The following NIPAL1 variants were observed in gnomAD, a reference collection of about 807,000 sequenced individuals.
The protein encoded by NIPAL1 is magnesium transporter NIPA3.
A neutral mutation model predicts 37.7 loss-of-function variants in NIPAL1; 35 were observed. The ratio of observed to expected loss-of-function variants is 0.93; its 90% CI spans 0.71 to 1.23. The LOEUF is 1.23. Ranked by LOEUF, NIPAL1 falls within the 50% of genes most tolerant of loss-of-function variation. The pLI is 0.00. For synonymous variants in NIPAL1, 162 were observed against 183.0 expected (o/e 0.89, Z 0.93); for missense variants, 412 against 473.9 (o/e 0.87, Z 1.21).
At chr4:48,026,893 T>G (rs1350322613) in intron 2 of NIPAL1, among the ~76,000 whole-genome samples, 1 of 151,898 alleles carries the variant, frequency 6.6e-6, no homozygotes, top group African/African-American at 2.4e-5. Flanking sequence ...TAATTTTGTA[T>G]TTTTAGTAGA....
intron 1 of NIPAL1, among the ~76,000 whole-genome samples, chr4:48,018,049 C>T (rs1715484890): frequency 6.6e-6 from 1 of 151,872 alleles, no homozygotes; most frequent in Admixed American, 6.6e-5. Flanking sequence ...AATTCACAAG[C>T]TATTAAAAAA....
At chr4:48,025,973 G>A (rs1715678014) in intron 2 of NIPAL1, among the ~76,000 whole-genome samples, 1 of 152,076 alleles carries the variant, frequency 6.6e-6, no homozygotes, top group Non-Finnish European at 1.5e-5. Flanking sequence ...AGACTTCAGT[G>A]TGAGTAGCAT....
chr4:48,032,806 T>G (rs928805318), intron 3 of NIPAL1, among the ~76,000 whole-genome samples, 187 bp from the exon 4 acceptor site: 11 of 152,258 alleles, frequency 7.2e-5, no homozygotes, highest in African/African-American at 2.4e-4. Context: ...CACCTGGTAT[T>G]ACAGTTTGTC....
At position 48,039,575 on chromosome 4, in the gene NIPAL1, T is replaced by C. The variant is rs1319132690; in HGVS notation, c.*3403T>C. 6.6e-6 allele frequency: 1 copy of C among 152,250 alleles called. No individual in the cohort carries two copies. The highest frequency in any genetic ancestry group is 1.9e-4 in the East Asian group (1 of 5,208). The allele number at this position is 152,250 out of a possible 1,614,324, so 9.4% of individuals were successfully genotyped here. On this transcript the variant is annotated 3_prime_UTR_variant, in exon 6 of 6. Coordinates refer to ENST00000295461, the MANE Select transcript of NIPAL1 (RefSeq NM_207330.3). The stretch of plus-strand genomic sequence containing the variant: ...AAAGATTTTCCTACTTCTGTAAAGA[T>C]AAGTTTCATTATACTTTTGTCTTAC...
At chr4:48,025,838 G>C (rs954868182) in intron 2 of NIPAL1, among the ~76,000 whole-genome samples, 10 of 152,044 alleles carry the variant, frequency 6.6e-5, no homozygotes, top group African/African-American at 2.4e-4. Flanking sequence ...ACTTCCTCTT[G>C]CTTTTCTCCC....
chr4:48,016,957 A>G lies in NIPAL1; in HGVS notation c.46+72A>G. The G allele has an allele frequency of 6.3e-6, 8 of 1,269,680 alleles. 1 individual carries two copies. The South Asian group carries it at 1.0e-4, about 16-fold the overall frequency. The allele number at this position is 1,269,680 out of a possible 1,614,324, so 78.7% of individuals were successfully genotyped here. A position where few individuals can be genotyped will look rare whatever the true frequency, so the allele number is the denominator to read the frequency against. Reference sequence around the variant, plus strand: ...GAGACCGGGTGGGCGGTCCCCGGACACTTGCGGAGACTGGAAAGGGGGGCT... The same window carrying G: ...GAGACCGGGTGGGCGGTCCCCGGACGCTTGCGGAGACTGGAAAGGGGGGCT... On this transcript the variant is annotated intron_variant, in intron 1 of 5. Transcript: ENST00000295461.
chr4:48,025,373 C>G, intron 2 of NIPAL1, 39 bp downstream of exon 2: 2 of 1,590,222 alleles, frequency 1.3e-6, no homozygotes, highest in Non-Finnish European at 1.7e-6. Context: ...AAGTTTCTAA[C>G]TGCAGAAATG....
intron 3 of NIPAL1, 58 bp downstream of exon 3, chr4:48,030,234 A>G (rs1715791421): frequency 7.4e-6 from 8 of 1,078,958 alleles, no homozygotes; most frequent in Non-Finnish European, 1.1e-5. Flanking sequence ...AGATTACATG[A>G]AATTTTTCAT....
Position 48,027,094 on chromosome 4 carries a change from G to C in NIPAL1, c.313+1760G>C, listed in dbSNP as rs1234360995. Among the ~76,000 whole-genome samples, 1 of 151,902 alleles carries C rather than the reference G, an allele frequency of 6.6e-6. No homozygotes were observed. The highest frequency in any genetic ancestry group is 1.9e-4 in the East Asian group (1 of 5,198). On this transcript the variant is annotated intron_variant, in intron 2 of 5. Coordinates refer to ENST00000295461, the MANE Select transcript of NIPAL1 (RefSeq NM_207330.3). The surrounding 1 kb of genome is among the most constrained non-coding windows in gnomAD (Gnocchi z 4.1). ...AAATAATTTATTTTATATAAAGGAAGAGATTATCTAGATTGACAAAAAAAA... is the reference window on the plus strand; with the variant it reads ...AAATAATTTATTTTATATAAAGGAACAGATTATCTAGATTGACAAAAAAAA...
At chr4:48,021,622 A>G (rs1715568580) in intron 1 of NIPAL1, among the ~76,000 whole-genome samples, 1 of 152,172 alleles carries the variant, frequency 6.6e-6, no homozygotes, top group Non-Finnish European at 1.5e-5. Context: ...TGATAGTTAT[A>G]CAGTGGAATT....
intron 2 of NIPAL1, among the ~76,000 whole-genome samples, chr4:48,026,889 T>TTA (rs1241433708): frequency 6.6e-6 from 1 of 151,994 alleles, no homozygotes; most frequent in African/African-American, 2.4e-5. Flanking sequence ...CAGCTAATTT[T>TTA]GTATTTTTAG....
In NIPAL1 at chr4:48,036,251, C is replaced by G; in HGVS notation, c.*79C>G. On this transcript the variant is annotated 3_prime_UTR_variant, in exon 6 of 6. Coordinates refer to ENST00000295461, the MANE Select transcript of NIPAL1 (RefSeq NM_207330.3). ...GAATGCTTGCTTCTTGGAAGAACTG[C>G]TAGGAAAGTTAGCATTTTTGCAGTT... 1.5e-6 allele frequency: 2 copies of G among 1,368,554 alleles called. No individual in the cohort carries two copies. 84.8% of individuals were successfully genotyped at this position (1,368,554 alleles called of 1,614,324 possible).
intron 3 of NIPAL1, among the ~76,000 whole-genome samples, chr4:48,032,095 GATTT>G (rs1366041721): frequency 2.0e-5 from 3 of 152,164 alleles, no homozygotes; most frequent in African/African-American, 7.2e-5. Flanking sequence ...TGTAAATTTA[GATTT>G]GTTTAATGAT....
In NIPAL1 at chr4:48,036,326, T is replaced by C. The variant is rs1321231616; in HGVS notation, c.*154T>C. 8 of 635,264 alleles carry C rather than the reference T, an allele frequency of 1.3e-5. No individual in the cohort carries two copies. The highest frequency in any genetic ancestry group is 6.6e-5 in the South Asian group (3 of 45,540). 39.4% of individuals were successfully genotyped at this position (635,264 alleles called of 1,614,324 possible). ...AGTAAAAATGCCATTTTTTTGGCCA[T>C]TGAATTTGAAAATCAAATTGATTAT... On this transcript the variant is annotated 3_prime_UTR_variant, in exon 6 of 6. Coordinates refer to ENST00000295461, the MANE Select transcript of NIPAL1 (RefSeq NM_207330.3).
chr4:48,029,241 C>T (rs1391035454), intron 2 of NIPAL1, among the ~76,000 whole-genome samples: 2 of 152,098 alleles, frequency 1.3e-5, no homozygotes, highest in Non-Finnish European at 2.9e-5. Flanking sequence ...TACTACTTAG[C>T]TGTTAGAGAA....
chr4:48,031,956 C>G (rs1211397031), intron 3 of NIPAL1, among the ~76,000 whole-genome samples: 2 of 152,196 alleles, frequency 1.3e-5, no homozygotes, highest in East Asian at 1.9e-4. Context: ...CCAGGCTGAT[C>G]TCGAACGCCT....
intron 3 of NIPAL1, among the ~76,000 whole-genome samples, chr4:48,031,824 C>T (rs111614944): frequency 0.048 from 7,296 of 152,048 alleles, 576 homozygotes; most frequent in African/African-American, 0.17. Context: ...CTGCAACCTC[C>T]GCCTCCCAGA....
Position 48,030,164 on chromosome 4 carries a change from G to A in NIPAL1, c.358G>A (p.Gly120Arg), listed in dbSNP as rs1382164892. 1 of 1,595,086 alleles carries A rather than the reference G, an allele frequency of 6.3e-7. No homozygotes were observed. Among genetic ancestry groups the A allele is most frequent in the Admixed American group, 1.7e-5 (1 of 59,978 alleles). ...SYLKEWLWWVGLLSMGAGEAA... is the reference protein window; with the variant it reads ...SYLKEWLWWVRLLSMGAGEAA... Reference sequence around the variant, plus strand: ...CCTGAAGGAATGGCTCTGGTGGGTAGGATTGCTGTCAAGTAAGTTTTTAAT... The same window carrying A: ...CCTGAAGGAATGGCTCTGGTGGGTAAGATTGCTGTCAAGTAAGTTTTTAAT... Residue 120 changes from glycine (G) to arginine (R), a missense_variant, in exon 3 of 6, where the codon GGA becomes AGA. Physicochemically the swap from Gly to Arg is moderately radical, Grantham distance 125. Transcript: ENST00000295461.
Position 48,035,552 on chromosome 4 carries a change from CTTCT to C in NIPAL1, c.623-9_623-6del, listed in dbSNP as rs776949340. On this transcript the variant is annotated splice_region_variant and splice_polypyrimidine_tract_variant and intron_variant, in intron 5 of 5. Coordinates refer to ENST00000295461, the MANE Select transcript of NIPAL1 (RefSeq NM_207330.3). ...TTTTCTAAAGTCAAATTCTTTTCTC[CTTCT>C]AACAGGGTTTATTTCCTTTGCTGTG... The C allele has an allele frequency of 1.3e-6, 2 of 1,589,248 alleles. No individual in the cohort carries two copies. Among genetic ancestry groups the C allele is most frequent in the South Asian group, 2.3e-5 (2 of 85,408 alleles).
Sources: allele counts gnomAD v4.1 joint callset (sites outside exome capture counted in the v4.1 genomes callset), GRCh38; gene constraint gnomAD v4.1.1; non-coding constraint Gnocchi (gnomAD v3.1); transcripts MANE v1.5; gene names NCBI Gene and HGNC (gene_info 2026-07-23, HGNC 2026-07-21).